ADAM12: variants seen among roughly 807,000 people sequenced by gnomAD.
ADAM12 encodes ADAM metallopeptidase domain 12, also known as disintegrin and metalloproteinase domain-containing protein 12.
Under a neutral mutation model 106.4 loss-of-function variants are expected in ADAM12, and 70 were observed. That is an observed-to-expected ratio of 0.66 (90% confidence interval 0.54 to 0.80). The LOEUF (loss-of-function observed/expected upper bound fraction) is 0.80. Among genes scored for constraint, ADAM12 ranks in the 30% least tolerant of loss-of-function variants. The pLI, the probability that ADAM12 is intolerant of heterozygous loss-of-function variation, is 0.00. For synonymous variants in ADAM12, 420 were observed against 433.5 expected (o/e 0.97, Z 0.39); for missense variants, 1,010 against 1,171.9 (o/e 0.86, Z 2.02).
intron 3 of ADAM12, among the ~76,000 whole-genome samples, chr10:126,203,615 T>G (rs560060075): frequency 8.5e-5 from 13 of 152,244 alleles, no homozygotes; most frequent in Non-Finnish European, 1.8e-4. Context: ...GTTCAATTTT[T>G]AGATAAGAAA....
At chr10:126,165,613 T>G (rs2133751346) in intron 3 of ADAM12, among the ~76,000 whole-genome samples, 1 of 152,278 alleles carries the variant, frequency 6.6e-6, no homozygotes, top group South Asian at 2.1e-4. Flanking sequence ...GAGACTAAAC[T>G]TGACTCTATT....
chr10:126,019,547 G>A, intron 22 of ADAM12, 148 bp downstream of exon 22: 1 of 1,067,030 alleles, frequency 9.4e-7, no homozygotes, highest in Non-Finnish European at 1.3e-6. Flanking sequence ...CCTGGTAATT[G>A]TCATGTCTAT....
intron 14 of ADAM12, among the ~76,000 whole-genome samples, chr10:126,057,494 A>G (rs1954657225): frequency 6.6e-6 from 1 of 152,106 alleles, no homozygotes; most frequent in African/African-American, 2.4e-5. Flanking sequence ...CATGAGGAAC[A>G]CGGATGTTTA....
chr10:126,021,357 A>G (rs1953763996), intron 21 of ADAM12, among the ~76,000 whole-genome samples: 1 of 152,216 alleles, frequency 6.6e-6, no homozygotes, highest in Non-Finnish European at 1.5e-5. Flanking sequence ...TCATATGAAA[A>G]TTACATTTCT....
chr10:126,357,358 C>T (rs12415694), intron 1 of ADAM12, among the ~76,000 whole-genome samples: 10,520 of 152,106 alleles, frequency 0.069, 663 homozygotes, highest in East Asian at 0.24. Context: ...ACCAGGAATA[C>T]CTTACCCAGC....
At chr10:126,228,926 A>G (rs1031684754) in intron 3 of ADAM12, among the ~76,000 whole-genome samples, 11 of 152,366 alleles carry the variant, frequency 7.2e-5, no homozygotes, top group Non-Finnish European at 1.2e-4. Context: ...GTTAAAAAAA[A>G]TTCTTACTGG....
intron 3 of ADAM12, among the ~76,000 whole-genome samples, chr10:126,203,918 C>T (rs1156679838): frequency 1.4e-5 from 2 of 142,178 alleles, no homozygotes; most frequent in Non-Finnish European, 3.1e-5. Flanking sequence ...TCAAGCAAAT[C>T]AGAGTGAGTG....
At chr10:126,036,406 T>G in intron 20 of ADAM12, 81 bp from the exon 21 acceptor site, 1 of 1,437,370 alleles carries the variant, frequency 7.0e-7, no homozygotes, top group Non-Finnish European at 9.3e-7. Flanking sequence ...CAGTGCTAAC[T>G]CATCTGTTAT....
chr10:126,071,848 A>G (rs942108931), intron 11 of ADAM12, among the ~76,000 whole-genome samples, 194 bp from the exon 12 acceptor site: 1 of 152,218 alleles, frequency 6.6e-6, no homozygotes, highest in African/African-American at 2.4e-5. Context: ...CCCGACATCC[A>G]TTCCGTACAG....
intron 21 of ADAM12, among the ~76,000 whole-genome samples, chr10:126,022,626 G>A (rs543684772): frequency 3.3e-5 from 5 of 152,354 alleles, no homozygotes; most frequent in Admixed American, 2.6e-4. Flanking sequence ...TCTAGGTGTT[G>A]CTTTTCATTC....
At chr10:126,141,876 A>G (rs1956518403) in intron 4 of ADAM12, among the ~76,000 whole-genome samples, 1 of 152,214 alleles carries the variant, frequency 6.6e-6, no homozygotes, top group South Asian at 2.1e-4. Flanking sequence ...GAGCCAAACT[A>G]TCTTGATTAA....
intron 21 of ADAM12, 60 bp downstream of exon 21, chr10:126,036,086 T>A: frequency 2.3e-6 from 3 of 1,317,368 alleles, no homozygotes; most frequent in African/African-American, 1.5e-5. Flanking sequence ...GCTCACACAT[T>A]AACAAGTAGC....
At chr10:126,019,224 C>T (rs548751718) in intron 22 of ADAM12, among the ~76,000 whole-genome samples, 1 of 152,278 alleles carries the variant, frequency 6.6e-6, no homozygotes, top group East Asian at 1.9e-4. Context: ...CTGAGGCCTC[C>T]CCGGAAGCAT....
chr10:126,254,255 T>C (rs370197981), intron 3 of ADAM12, among the ~76,000 whole-genome samples: 3 of 152,284 alleles, frequency 2.0e-5, no homozygotes, highest in East Asian at 3.9e-4. Flanking sequence ...TGGGAGTCAT[T>C]TGATAGGGCT....
At chr10:126,089,453 T>C (rs1274338252) in intron 11 of ADAM12, among the ~76,000 whole-genome samples, 3 of 152,208 alleles carry the variant, frequency 2.0e-5, no homozygotes, top group Non-Finnish European at 2.9e-5. Flanking sequence ...TTATTACTTG[T>C]TCTTCTAAAG....
intron 10 of ADAM12, among the ~76,000 whole-genome samples, chr10:126,097,282 A>G (rs2133570650): frequency 6.6e-6 from 1 of 152,328 alleles, no homozygotes; most frequent in East Asian, 1.9e-4. Flanking sequence ...AGGACCTGCC[A>G]TGGTGGAGAT....
intron 3 of ADAM12, among the ~76,000 whole-genome samples, chr10:126,185,364 T>TA (rs1254484646): frequency 3.9e-5 from 6 of 152,238 alleles, no homozygotes; most frequent in African/African-American, 1.4e-4. Context: ...CCTATAGCCT[T>TA]AGTGAAATGA....
intron 3 of ADAM12, among the ~76,000 whole-genome samples, chr10:126,161,401 G>A (rs1956931617): frequency 6.6e-6 from 1 of 152,182 alleles, no homozygotes; most frequent in African/African-American, 2.4e-5. Context: ...CAGTGTCCGG[G>A]TGGTTTTGCT....
intron 14 of ADAM12, among the ~76,000 whole-genome samples, chr10:126,063,872 C>T (rs3829176): frequency 0.041 from 6,297 of 152,184 alleles, 261 homozygotes; most frequent in East Asian, 0.2. Context: ...AGGAGAGACA[C>T]GCAGGGGATG....
Sources: gnomAD v4.1 joint callset for allele counts (sites outside exome capture counted in the v4.1 genomes callset) on GRCh38, gnomAD v4.1.1 for gene constraint, MANE v1.5 for transcripts, NCBI Gene and HGNC (gene_info 2026-07-23, HGNC 2026-07-21) for gene names.